The following TFCP2L1 variants were observed in gnomAD, a reference collection of about 807,000 sequenced individuals.
TFCP2L1 encodes the protein transcription factor CP2-like protein 1.
A neutral mutation model predicts 72.2 loss-of-function variants in TFCP2L1; 12 were observed. The ratio of observed to expected loss-of-function variants is 0.17; its 90% CI spans 0.11 to 0.27. TFCP2L1 has a LOEUF of 0.27. Among genes scored for constraint, TFCP2L1 ranks in the 10% least tolerant of loss-of-function variants. TFCP2L1 has a pLI of 1.00. For synonymous variants in TFCP2L1, 260 were observed against 251.0 expected (o/e 1.04, Z -0.34); for missense variants, 488 against 624.6 (o/e 0.78, Z 2.33).
At chr2:121,263,842 G>C (rs1365509674) in intron 2 of TFCP2L1, among the ~76,000 whole-genome samples, 1 of 152,218 alleles carries the variant, frequency 6.6e-6, no homozygotes, top group Non-Finnish European at 1.5e-5. Context: ...CTGAGGAGGG[G>C]CACTGGGTGC....
rs753806158 is a variant in TFCP2L1, at chr2:121,237,601, AAC to A, written c.1003+20_1003+21del. The A allele has an allele frequency of 8.1e-6, 13 of 1,613,774 alleles. No individual in the cohort carries two copies. The South Asian group carries it at 1.4e-4, about 18-fold the overall frequency. On this transcript the variant is annotated intron_variant, in intron 10 of 14. Transcript: ENST00000263707. ...GTCTCCAAGATACTCATGGGCTTTA[AAC>A]ACAGTTCGGAGATGCTCACCTGAGA...
At chr2:121,281,630 C>T (rs571230363) in intron 1 of TFCP2L1, among the ~76,000 whole-genome samples, 8 of 152,234 alleles carry the variant, frequency 5.3e-5, no homozygotes, top group African/African-American at 1.2e-4. Context: ...TATCCACAAG[C>T]GATCACTCAT....
chr2:121,233,585 C>T (rs1686187122), intron 12 of TFCP2L1, among the ~76,000 whole-genome samples: 1 of 152,228 alleles, frequency 6.6e-6, no homozygotes, highest in South Asian at 2.1e-4. Context: ...AACCACCACA[C>T]CCAGCCACAA....
In TFCP2L1 at chr2:121,248,240, G is replaced by A; in HGVS notation, c.428C>T (p.Pro143Leu). 6.2e-7 allele frequency: 1 copy of A among 1,613,942 alleles called. No individual in the cohort carries two copies. The highest frequency in any genetic ancestry group is 1.3e-5 in the African/African-American group (1 of 75,022). Reference sequence around the variant, plus strand: ...ATTCAGCTGGGTCGGGCTGGCCCTGGGGTCCAAGATACCAACAGACAGTGG... The same window carrying A: ...ATTCAGCTGGGTCGGGCTGGCCCTGAGGTCCAAGATACCAACAGACAGTGG... ...DIPLSVGILD[P>L]RASPTQLNAV... The change falls in exon 5 of 15, where the codon CCC becomes CTC. Residue 143 changes from proline (P) to leucine (L), a missense_variant. By Grantham distance (98) the Pro-to-Leu change is moderately conservative. This residue lies in a region of TFCP2L1 where 129 missense variants were observed against 236.0 expected (regional missense o/e 0.55). Coordinates refer to ENST00000263707, the MANE Select transcript of TFCP2L1 (RefSeq NM_014553.3).
chr2:121,250,806 C>T (rs1488412207), intron 2 of TFCP2L1, among the ~76,000 whole-genome samples: 1 of 151,676 alleles, frequency 6.6e-6, no homozygotes, highest in Admixed American at 6.6e-5. Flanking sequence ...AGGGTTTCAC[C>T]ATGTTAGCCA....
At chr2:121,254,389 G>A (rs774942752) in intron 2 of TFCP2L1, among the ~76,000 whole-genome samples, 1 of 152,180 alleles carries the variant, frequency 6.6e-6, no homozygotes, top group Non-Finnish European at 1.5e-5. Flanking sequence ...AGGACGAGGC[G>A]GGGAGTGTGA....
intron 10 of TFCP2L1, among the ~76,000 whole-genome samples, chr2:121,237,323 G>C (rs1318489023): frequency 1.3e-5 from 2 of 152,226 alleles, no homozygotes; most frequent in African/African-American, 4.8e-5. Flanking sequence ...GCCGGGCTAA[G>C]GGGACTCTTC....
At chr2:121,237,770 C>T (rs1686281859) in intron 9 of TFCP2L1, 32 bp downstream of exon 9, 1 of 1,613,914 alleles carries the variant, frequency 6.2e-7, no homozygotes, top group African/African-American at 1.3e-5. Context: ...CACGAGGGAC[C>T]ACCAGCCAGA....
At chr2:121,254,026 G>A (rs541603144) in intron 2 of TFCP2L1, among the ~76,000 whole-genome samples, 1 of 152,274 alleles carries the variant, frequency 6.6e-6, no homozygotes, top group Non-Finnish European at 1.5e-5. Context: ...AGGCTGAACT[G>A]ACCTAGGGCA....
intron 2 of TFCP2L1, among the ~76,000 whole-genome samples, chr2:121,275,398 C>CAA (rs575514638): frequency 1.8e-4 from 12 of 65,732 alleles, no homozygotes; most frequent in Middle Eastern, 0.012. Flanking sequence ...GACTCCATCT[C>CAA]AAAAAAAAAA....
At chr2:121,277,645 G>C (rs1402869207) in intron 2 of TFCP2L1, among the ~76,000 whole-genome samples, 2 of 152,146 alleles carry the variant, frequency 1.3e-5, no homozygotes, top group African/African-American at 4.8e-5. Context: ...TGGAAACTAA[G>C]TGGCCATAAT....
intron 2 of TFCP2L1, among the ~76,000 whole-genome samples, chr2:121,266,869 A>G (rs1169122959): frequency 1.7e-5 from 2 of 121,132 alleles, no homozygotes; most frequent in African/African-American, 3.1e-5. Context: ...ATTTTAATAT[A>G]ATTATTTTTT....
chr2:121,272,542 T>C (rs1413534091), intron 2 of TFCP2L1, among the ~76,000 whole-genome samples: 1 of 152,224 alleles, frequency 6.6e-6, no homozygotes, highest in African/African-American at 2.4e-5. Flanking sequence ...GCTACCACCG[T>C]TTAACTCTAA....
Position 121,250,583 on chromosome 2 carries a change from C to A in TFCP2L1, c.215-936G>T, listed in dbSNP as rs923166029. Among the ~76,000 whole-genome samples, 8 of 150,574 alleles carry A rather than the reference C, an allele frequency of 5.3e-5. 1 individual carries two copies. Among genetic ancestry groups the A allele is most frequent in the African/African-American group, 2.0e-4 (8 of 40,836 alleles). On this transcript the variant is annotated intron_variant, in intron 2 of 14. Coordinates refer to ENST00000263707, the MANE Select transcript of TFCP2L1 (RefSeq NM_014553.3). The stretch of plus-strand genomic sequence containing the variant: ...GTGTTTTACAAATAATAAAATAAAT[C>A]ATTTAATAATTGGTATTGGCATATC...
chr2:121,254,180 T>C (rs111514090), intron 2 of TFCP2L1, among the ~76,000 whole-genome samples: 6 of 152,200 alleles, frequency 3.9e-5, no homozygotes, highest in Non-Finnish European at 8.8e-5. Context: ...AATGCATCCA[T>C]GGGATTTCAC....
At chr2:121,259,325 A>G (rs1274635963) in intron 2 of TFCP2L1, among the ~76,000 whole-genome samples, 1 of 152,214 alleles carries the variant, frequency 6.6e-6, no homozygotes, top group Non-Finnish European at 1.5e-5. Context: ...TAACTCTCAA[A>G]ATATTCAGCG....
At chr2:121,277,005 T>C (rs1409767104) in intron 2 of TFCP2L1, among the ~76,000 whole-genome samples, 1 of 150,414 alleles carries the variant, frequency 6.6e-6, no homozygotes, top group Non-Finnish European at 1.5e-5. Flanking sequence ...CCAACGAAAG[T>C]TAAATGGCCT....
chr2:121,231,343 T>A (rs1686139562), intron 13 of TFCP2L1, among the ~76,000 whole-genome samples: 1 of 152,164 alleles, frequency 6.6e-6, no homozygotes, highest in Admixed American at 6.5e-5. Flanking sequence ...ACCTGAGCCC[T>A]CTGCCAGTAG....
chr2:121,282,001 C>T (rs559755774), intron 1 of TFCP2L1, among the ~76,000 whole-genome samples: 22 of 151,988 alleles, frequency 1.4e-4, no homozygotes, highest in Non-Finnish European at 2.6e-4. Context: ...GGCGTGATCT[C>T]GGCTCACTAC....
Sources: gnomAD v4.1 joint callset for allele counts (sites outside exome capture counted in the v4.1 genomes callset) on GRCh38, gnomAD v4.1.1 for gene constraint, gnomAD v4.1.1 regional missense constraint, MANE v1.5 for transcripts, NCBI Gene and HGNC (gene_info 2026-07-23, HGNC 2026-07-21) for gene names.